Variants in FGD5 observed in about 807,000 individuals in gnomAD.
FGD5 encodes FYVE, RhoGEF and PH domain containing 5.
Under a neutral mutation model 133.4 loss-of-function variants are expected in FGD5, and 28 were observed. The observed-to-expected ratio is 0.21, with a 90% CI of 0.16 to 0.29. The LOEUF (loss-of-function observed/expected upper bound fraction) is 0.29. Among genes scored for constraint, FGD5 ranks in the 10% least tolerant of loss-of-function variants. The probability of loss-of-function intolerance (pLI) is 1.00; values close to 1 mark genes in which losing one functional copy is unlikely to be tolerated. For missense variants in FGD5, 1,858 were observed against 1,895.2 expected, an observed-to-expected ratio of 0.98 and a Z score of 0.36; for synonymous variants, 810 against 776.5, an observed-to-expected ratio of 1.04 and a Z score of -0.72.
intron 11 of FGD5, among the ~76,000 whole-genome samples, chr3:14,913,294 T>G (rs2038487857): frequency 1.3e-5 from 2 of 152,184 alleles, no homozygotes; most frequent in Non-Finnish European, 2.9e-5. Context: ...TTGTAACAGT[T>G]TCTCCCTTCC....
At chr3:14,899,539 C>T (rs1223554149) in intron 7 of FGD5, among the ~76,000 whole-genome samples, 3 of 152,216 alleles carry the variant, frequency 2.0e-5, no homozygotes, top group Non-Finnish European at 4.4e-5. Context: ...TTCCAGGTAG[C>T]AACTGGGGCT....
In FGD5 at chr3:14,821,065, C is replaced by T. The variant is rs143412741; in HGVS notation, c.1994C>T (p.Thr665Met). The part of the protein sequence containing the change: ...RFLALTFKKK[T>M]ENKLHVDVNV... ...CTGGCACTGACGTTTAAGAAGAAGA[C>T]GGAGAACAAATTGCATGTGGATGTG... The change falls in exon 1 of 20, where the codon ACG (threonine) becomes ATG (methionine). Residue 665 changes from threonine (T) to methionine (M), a missense_variant. Physicochemically the swap from Thr to Met is moderately conservative, Grantham distance 81. Around this residue, in one of 3 missense-constraint regions of FGD5, gnomAD observed 1,824 missense variants for 1,848.9 expected, o/e 0.99. Transcript: ENST00000285046. 79 of 1,613,942 alleles carry T rather than the reference C, an allele frequency of 4.9e-5. No individual in the cohort carries two copies. Among genetic ancestry groups the T allele is most frequent in the African/African-American group, 9.3e-5 (7 of 75,008 alleles).
rs138703307 is a variant in FGD5, at chr3:14,933,179, C to T, written c.*12C>T. 1 of 1,613,022 alleles carries T rather than the reference C, an allele frequency of 6.2e-7. No individual in the cohort carries two copies. Among genetic ancestry groups the T allele is most frequent in the East Asian group, 2.2e-5 (1 of 44,874 alleles). On this transcript the variant is annotated 3_prime_UTR_variant, in exon 20 of 20. Coordinates refer to ENST00000285046, the MANE Select transcript of FGD5 (RefSeq NM_152536.4). Reference sequence around the variant, plus strand: ...CGAGTGTGTTATAGCAGTTATCAAGCATGTGGACTTGTAACAAATTCTTAG... The same window carrying T: ...CGAGTGTGTTATAGCAGTTATCAAGTATGTGGACTTGTAACAAATTCTTAG...
At chr3:14,815,351 C>CAAA (rs71630867), upstream of FGD5, among the ~76,000 whole-genome samples, 32 of 136,226 alleles carry the variant, frequency 2.3e-4, no homozygotes, top group African/African-American at 8.3e-4. Flanking sequence ...TCTAAAATCG[C>CAAA]AAAAAAAAAA....
At chr3:14,880,277 C>G (rs902597037) in intron 2 of FGD5, among the ~76,000 whole-genome samples, 1 of 152,120 alleles carries the variant, frequency 6.6e-6, no homozygotes, top group African/African-American at 2.4e-5. Context: ...TCGCTTGAGC[C>G]TGAGAATTCG....
At chr3:14,878,961 C>G (rs2037775119) in intron 2 of FGD5, among the ~76,000 whole-genome samples, 1 of 152,152 alleles carries the variant, frequency 6.6e-6, no homozygotes, top group Admixed American at 6.5e-5. Context: ...CCCGCCTTAG[C>G]CTCCCAAAGT....
intron 1 of FGD5, among the ~76,000 whole-genome samples, chr3:14,834,135 T>C (rs538804316): frequency 8.5e-5 from 13 of 152,322 alleles, no homozygotes; most frequent in African/African-American, 2.9e-4. Flanking sequence ...GAGATTGTCA[T>C]GGTGGATAGA....
In FGD5 at chr3:14,821,094, G is replaced by A. The variant is rs1455620031; in HGVS notation, c.2023G>A (p.Val675Met). 8 of 1,613,850 alleles carry A rather than the reference G, an allele frequency of 5.0e-6. No homozygotes were observed. Among genetic ancestry groups the A allele is most frequent in the Admixed American group, 1.7e-5 (1 of 60,016 alleles). Residue 675 changes from valine to methionine, a missense_variant, in exon 1 of 20, where the codon GTG becomes ATG. Val to Met is a conservative substitution (Grantham distance 21). Coordinates refer to ENST00000285046, the MANE Select transcript of FGD5 (RefSeq NM_152536.4). ...TENKLHVDVN[V>M]SSSRSSSESS... ...GAACAAATTGCATGTGGATGTGAAC[G>A]TGTCTTCCTCTAGGTCCTCTTCAGA...
chr3:14,837,952 A>G (rs1403352043), intron 1 of FGD5, among the ~76,000 whole-genome samples: 4 of 152,204 alleles, frequency 2.6e-5, no homozygotes, highest in Non-Finnish European at 4.4e-5. Context: ...TTAAGACAAC[A>G]TCTGTTTTTC....
intron 10 of FGD5, 113 bp downstream of exon 10, chr3:14,907,824 A>C: frequency 5.6e-6 from 6 of 1,077,312 alleles, no homozygotes; most frequent in Non-Finnish European, 8.0e-6. Context: ...CTGTCTACCC[A>C]TGGAGGGCAG....
At chr3:14,814,287 C>A (rs763000796), upstream of FGD5, among the ~76,000 whole-genome samples, 1 of 152,104 alleles carries the variant, frequency 6.6e-6, no homozygotes, top group Non-Finnish European at 1.5e-5. Context: ...CCTACCATAC[C>A]CTAAAGCTCA....
intron 4 of FGD5, chr3:14,897,025 A>G (rs2038152005): frequency 6.1e-6 from 1 of 163,234 alleles, no homozygotes; most frequent in Non-Finnish European, 1.3e-5. Context: ...ATATTTCTAC[A>G]TAGCCACCAC....
chr3:14,837,434 G>A (rs1014133457), intron 1 of FGD5, among the ~76,000 whole-genome samples: 2 of 152,114 alleles, frequency 1.3e-5, no homozygotes, highest in African/African-American at 4.8e-5. Flanking sequence ...AGTTTCCTTC[G>A]AACCTGCTAA....
intron 1 of FGD5, among the ~76,000 whole-genome samples, chr3:14,851,720 C>T (rs1464334561): frequency 1.3e-5 from 2 of 151,914 alleles, no homozygotes; most frequent in Non-Finnish European, 2.9e-5. Flanking sequence ...TTTAAATTCC[C>T]CCCCACCCCC....
At chr3:14,830,066 G>A (rs774429222) in intron 1 of FGD5, among the ~76,000 whole-genome samples, 1 of 152,166 alleles carries the variant, frequency 6.6e-6, no homozygotes, top group African/African-American at 2.4e-5. Flanking sequence ...AGAGCCGCGT[G>A]GCTGGATTTT....
intron 8 of FGD5, 114 bp from the exon 9 acceptor site, chr3:14,900,889 T>A: frequency 8.9e-7 from 1 of 1,121,520 alleles, no homozygotes; most frequent in East Asian, 2.4e-5. Flanking sequence ...ACTGTCAAGG[T>A]CACCTAGGCA....
intron 10 of FGD5, among the ~76,000 whole-genome samples, 163 bp downstream of exon 10, chr3:14,907,874 G>T (rs1041395451): frequency 6.6e-6 from 1 of 152,188 alleles, no homozygotes; most frequent in African/African-American, 2.4e-5. Flanking sequence ...TCTCCTGGCC[G>T]CAGTCCTAGG....
chr3:14,824,798 A>G (rs1185016869), intron 1 of FGD5, among the ~76,000 whole-genome samples: 1 of 152,272 alleles, frequency 6.6e-6, no homozygotes, highest in African/African-American at 2.4e-5. Flanking sequence ...GAAAAACAGT[A>G]TCAGTTGCCG....
In FGD5 at chr3:14,861,473, A is replaced by G. The variant is rs141925035; in HGVS notation, c.2526-2655A>G. Among the ~76,000 whole-genome samples, 15 of 152,286 alleles carry G rather than the reference A, an allele frequency of 9.8e-5. No homozygotes were observed. The East Asian group carries it at 2.7e-3, about 27-fold the overall frequency. ...AGGCCCACCCAAGACCCAACTCCAC[A>G]TATCACTGCAGTGACAGGCCCAACT... On this transcript the variant is annotated intron_variant, in intron 1 of 19. Transcript: ENST00000285046.
Sources: allele counts gnomAD v4.1 joint callset (sites outside exome capture counted in the v4.1 genomes callset), GRCh38; gene constraint gnomAD v4.1.1; regional missense constraint gnomAD v4.1.1; transcripts MANE v1.5; gene names NCBI Gene and HGNC (gene_info 2026-07-23, HGNC 2026-07-21).